DIAPH3: variants seen among roughly 807,000 people sequenced by gnomAD.
DIAPH3 encodes protein diaphanous homolog 3.
In DIAPH3, 117 loss-of-function variants were observed where a neutral mutation model predicts 144.3. The ratio of observed to expected loss-of-function variants is 0.81; its 90% CI spans 0.70 to 0.95. The LOEUF is 0.95. Among genes scored for constraint, DIAPH3 ranks in the 40% least tolerant of loss-of-function variants. The pLI is 0.00. For missense variants in DIAPH3, 1,421 were observed against 1,412.7 expected (o/e 1.01, Z -0.09); for synonymous variants, 519 against 488.9 (o/e 1.06, Z -0.81).
At chr13:59,707,541 C>T (rs342593) in intron 27 of DIAPH3, among the ~76,000 whole-genome samples, 148,968 of 152,300 alleles carry the variant, frequency 0.98, 72,940 homozygotes, top group East Asian at 1. Flanking sequence ...AAATCTGGTA[C>T]TTCTGGGAGT....
chr13:59,924,073 C>A (rs2047644035), intron 18 of DIAPH3, among the ~76,000 whole-genome samples: 1 of 152,130 alleles, frequency 6.6e-6, no homozygotes, highest in Non-Finnish European at 1.5e-5. Flanking sequence ...TTATTCATAT[C>A]CCTCTTGCAC....
intron 5 of DIAPH3, among the ~76,000 whole-genome samples, chr13:60,033,554 G>A (rs1358156550): frequency 7.9e-5 from 12 of 152,106 alleles, no homozygotes; most frequent in Non-Finnish European, 1.8e-4. Flanking sequence ...CCAGGAGCAA[G>A]AAAGAGAGTG....
chr13:59,732,965 AT>A (rs1250060239), intron 27 of DIAPH3, among the ~76,000 whole-genome samples: 8 of 152,232 alleles, frequency 5.3e-5, no homozygotes, highest in Middle Eastern at 3.4e-3. Context: ...AAGTCGTGAA[AT>A]TTTTGTTTTC....
At chr13:59,733,657 GA>G (rs997495942) in intron 27 of DIAPH3, among the ~76,000 whole-genome samples, 36 of 152,232 alleles carry the variant, frequency 2.4e-4, no homozygotes, top group African/African-American at 8.2e-4. Context: ...ATTTGTGTAG[GA>G]AACAAAAATC....
At chr13:60,114,231 C>T (rs1218414711) in intron 2 of DIAPH3, among the ~76,000 whole-genome samples, 4 of 146,442 alleles carry the variant, frequency 2.7e-5, no homozygotes, top group African/African-American at 1.0e-4. Context: ...GTGGACATTA[C>T]ACATGAGATG....
chr13:59,863,779 A>C (rs962589747), intron 21 of DIAPH3, among the ~76,000 whole-genome samples: 3 of 152,166 alleles, frequency 2.0e-5, no homozygotes, highest in African/African-American at 7.2e-5. Context: ...CACAACATAG[A>C]GCTGAGTGTT....
intron 17 of DIAPH3, among the ~76,000 whole-genome samples, chr13:59,932,923 C>T (rs771634188): frequency 6.6e-6 from 1 of 152,122 alleles, no homozygotes; most frequent in Non-Finnish European, 1.5e-5. Flanking sequence ...TTGGAAAAAT[C>T]TTTCATATTG....
chr13:59,959,667 C>A (rs1475055784), intron 17 of DIAPH3, among the ~76,000 whole-genome samples: 1 of 152,122 alleles, frequency 6.6e-6, no homozygotes, highest in Admixed American at 6.6e-5. Context: ...ATGTGGGTGG[C>A]CTCTAGCGAC....
chr13:59,957,638 G>C (rs150410243), intron 17 of DIAPH3, among the ~76,000 whole-genome samples: 14 of 152,212 alleles, frequency 9.2e-5, no homozygotes, highest in African/African-American at 3.4e-4. Flanking sequence ...AAAAACTGCC[G>C]AATCTGCAAA....
chr13:60,042,191 G>A (rs764633292), intron 5 of DIAPH3, among the ~76,000 whole-genome samples: 2 of 152,042 alleles, frequency 1.3e-5, no homozygotes, highest in South Asian at 2.1e-4. Flanking sequence ...AAATTTGGAC[G>A]TCAGATAAAC....
intron 17 of DIAPH3, among the ~76,000 whole-genome samples, chr13:59,953,906 T>A (rs916543834): frequency 2.0e-5 from 3 of 152,206 alleles, no homozygotes; most frequent in African/African-American, 4.8e-5. Flanking sequence ...GCTATTTTTT[T>A]AAAGAGGTAT....
At chr13:60,058,198 C>A (rs533300265) in intron 4 of DIAPH3, among the ~76,000 whole-genome samples, 23 of 147,866 alleles carry the variant, frequency 1.6e-4, no homozygotes, top group African/African-American at 3.7e-4. Flanking sequence ...AAAAAAAAAA[C>A]CAGATAATTC....
At position 60,093,625 on chromosome 13, in the gene DIAPH3, T is replaced by C. The variant is rs1326905102; in HGVS notation, c.495+3A>G. On this transcript the variant is annotated splice_donor_region_variant and intron_variant, in intron 4 of 27. Coordinates refer to ENST00000400324, the MANE Select transcript of DIAPH3 (RefSeq NM_001042517.2). ...TATTTTTCAACTTGACAGTTTTACT[T>C]ACTGTCTTAGAAGCAGTATTAATGT... 6.3e-7 allele frequency: 1 copy of C among 1,580,170 alleles called. No homozygotes were observed. The highest frequency in any genetic ancestry group is 8.7e-7 in the Non-Finnish European group (1 of 1,150,550).
chr13:59,731,737 A>T (rs920488179), intron 27 of DIAPH3, among the ~76,000 whole-genome samples: 4 of 152,210 alleles, frequency 2.6e-5, no homozygotes, highest in Non-Finnish European at 5.9e-5. Flanking sequence ...CTATATAGTT[A>T]TTAAAAAATG....
At chr13:59,703,597 T>C (rs1444231439) in intron 27 of DIAPH3, among the ~76,000 whole-genome samples, 2 of 152,194 alleles carry the variant, frequency 1.3e-5, no homozygotes, top group African/African-American at 4.8e-5. Flanking sequence ...TTCCATTAGA[T>C]TCTTTTGATA....
chr13:59,750,408 C>T (rs1242881546), intron 27 of DIAPH3, among the ~76,000 whole-genome samples: 1 of 152,132 alleles, frequency 6.6e-6, no homozygotes, highest in Admixed American at 6.5e-5. Context: ...TCTCTAAATA[C>T]CTACAGCAAT....
At chr13:59,772,269 A>C (rs1159509983) in intron 27 of DIAPH3, among the ~76,000 whole-genome samples, 1 of 152,102 alleles carries the variant, frequency 6.6e-6, no homozygotes, top group Non-Finnish European at 1.5e-5. Context: ...AGTCCAATAA[A>C]TCTACATACA....
chr13:60,003,045 G>A (rs915019148), intron 9 of DIAPH3, among the ~76,000 whole-genome samples: 3 of 152,038 alleles, frequency 2.0e-5, no homozygotes, highest in Admixed American at 2.0e-4. Context: ...GCCAACATGA[G>A]GGACAAGCAC....
chr13:60,078,817 T>C (rs1032874051), intron 4 of DIAPH3, among the ~76,000 whole-genome samples: 1 of 151,980 alleles, frequency 6.6e-6, no homozygotes, highest in Non-Finnish European at 1.5e-5. Context: ...TAATCAACTT[T>C]TTAAAAATCA....
Sources: gnomAD v4.1 joint callset for allele counts (sites outside exome capture counted in the v4.1 genomes callset) on GRCh38, gnomAD v4.1.1 for gene constraint, MANE v1.5 for transcripts, NCBI Gene and HGNC (gene_info 2026-07-23, HGNC 2026-07-21) for gene names.